The following GPR161 variants were observed in gnomAD, a reference collection of about 807,000 sequenced individuals.
GPR161 encodes the protein G protein-coupled receptor 161.
Under a neutral mutation model 39.2 loss-of-function variants are expected in GPR161, and 25 were observed. The ratio of observed to expected loss-of-function variants is 0.64; its 90% CI spans 0.47 to 0.89. The LOEUF (loss-of-function observed/expected upper bound fraction) is 0.89, where lower values mean the gene tolerates loss of function less well. Among genes scored for constraint, GPR161 ranks in the 40% least tolerant of loss-of-function variants. GPR161 has a pLI of 0.00. For missense variants in GPR161, 547 were observed against 677.8 expected (o/e 0.81, Z 2.14); for synonymous variants, 286 against 276.6 (o/e 1.03, Z -0.34).
chr1:168,085,457 G>A lies in GPR161; in HGVS notation c.*74C>T, dbSNP rs574341444. ...TACACAGTGACATGCTCCCAAGGCC[G>A]CGGCACAGGCGGTGATGGGAACTCC... On this transcript the variant is annotated 3_prime_UTR_variant, in exon 6 of 6. Coordinates refer to ENST00000682931, the MANE Select transcript of GPR161 (RefSeq NM_001375883.1). The A allele has an allele frequency of 2.3e-4, 328 of 1,425,660 alleles. No homozygotes were observed. Among genetic ancestry groups the A allele is most frequent in the Non-Finnish European group, 2.8e-4 (288 of 1,034,976 alleles). The allele number at this position is 1,425,660 out of a possible 1,614,324, so 88.3% of individuals were successfully genotyped here.
chr1:168,085,361 G>A lies in GPR161; in HGVS notation c.*170C>T, dbSNP rs1694375726. ...GGAAATGCTGAAGCTGTGGACTGTA[G>A]ACATTATTTTCAGTCCTTGTCCTGG... On this transcript the variant is annotated 3_prime_UTR_variant, in exon 6 of 6. Transcript: ENST00000682931. 1.6e-6 allele frequency: 1 copy of A among 629,604 alleles called. No homozygotes were observed. The highest frequency in any genetic ancestry group is 2.9e-5 in the Admixed American group (1 of 34,852). The allele number at this position is 629,604 out of a possible 1,614,324, so 39.0% of individuals were successfully genotyped here.
chr1:168,127,221 A>G (rs1192972803), intron 1 of GPR161, among the ~76,000 whole-genome samples: 1 of 152,202 alleles, frequency 6.6e-6, no homozygotes, highest in Admixed American at 6.5e-5. Flanking sequence ...ACAGTGGCTC[A>G]CACCTGTAAT....
In GPR161 at chr1:168,085,637, G is replaced by A. The variant is rs146091627; in HGVS notation, c.1484C>T (p.Pro495Leu). Residue 495 changes from proline (P) to leucine (L), a missense_variant, in exon 6 of 6, where the codon CCG becomes CTG. Pro to Leu is a moderately conservative substitution (Grantham distance 98). Coordinates refer to ENST00000682931, the MANE Select transcript of GPR161 (RefSeq NM_001375883.1). ...PGVLVTARTV[P>L]GGGFGGRRGS... Reference sequence around the variant, plus strand: ...TCGGCGGCCCCCGAAGCCGCCCCCCGGGACAGTCCGTGCTGTAACCAAGAC... The same window carrying A: ...TCGGCGGCCCCCGAAGCCGCCCCCCAGGACAGTCCGTGCTGTAACCAAGAC... The A allele has an allele frequency of 4.3e-5, 70 of 1,613,942 alleles. No homozygotes were observed. Among genetic ancestry groups the A allele is most frequent in the Middle Eastern group, 1.6e-4 (1 of 6,076 alleles).
At position 168,085,726 on chromosome 1, in the gene GPR161, GC is replaced by G. The variant is rs1694426617; in HGVS notation, c.1394del (p.Ser465ThrfsTer45). The part of the protein sequence containing the change: ...VHKSLDSYAA[S>X]LAKAIEAEAK... ...CTTCGGCCTCAATGGCTTTGGCCAAGCTTGCTGCGTAACTGTCCAAGGACTT... is the reference window on the plus strand; with the variant it reads ...CTTCGGCCTCAATGGCTTTGGCCAAGTTGCTGCGTAACTGTCCAAGGACTT... On this transcript the variant is annotated frameshift_variant, in exon 6 of 6. Coordinates refer to ENST00000682931, the MANE Select transcript of GPR161 (RefSeq NM_001375883.1). LOFTEE classifies it high-confidence loss of function. 6.2e-7 allele frequency: 1 copy of G among 1,614,054 alleles called. No individual in the cohort carries two copies. The highest frequency in any genetic ancestry group is 1.1e-5 in the South Asian group (1 of 91,090).
rs563826203 is a variant in GPR161, at chr1:168,122,522, C to T, written c.-45+14217G>A. ...ACCGTAAAAAGATTCCCATGTCACA[C>T]AGAGCAAGCCCAAAGTTGTTACCTC... On this transcript the variant is annotated intron_variant, in intron 1 of 5. Coordinates refer to ENST00000682931, the MANE Select transcript of GPR161 (RefSeq NM_001375883.1). Among the ~76,000 whole-genome samples, 4 of 152,320 alleles carry T rather than the reference C, an allele frequency of 2.6e-5. No homozygotes were observed. The South Asian group carries it at 8.3e-4, about 32-fold the overall frequency.
At chr1:168,105,617 G>A (rs1008060198) in intron 1 of GPR161, among the ~76,000 whole-genome samples, 7 of 152,298 alleles carry the variant, frequency 4.6e-5, no homozygotes, top group Middle Eastern at 3.4e-3. Flanking sequence ...CACGGCGAGG[G>A]AGGGCAAGCA....
Position 168,097,133 on chromosome 1 carries a change from G to A in GPR161, c.474C>T (p.Gly158=). 6.2e-7 allele frequency: 1 copy of A among 1,614,130 alleles called. No individual in the cohort carries two copies. The highest frequency in any genetic ancestry group is 8.5e-7 in the Non-Finnish European group (1 of 1,180,038). Residue 158 remains glycine, a synonymous_variant, in exon 3 of 6, where the codon GGC becomes GGT. Transcript: ENST00000682931. ...ACCAACCAAACAGGGGTGGCAGGCA[G>A]CCGATGAGCGAGTGAAGCCAGATGT... ...LVYIWLHSLI[G]CLPPLFGWSS...
chr1:168,132,197 G>C (rs1699042388), intron 1 of GPR161, among the ~76,000 whole-genome samples: 1 of 152,074 alleles, frequency 6.6e-6, no homozygotes, highest in African/African-American at 2.4e-5. Flanking sequence ...CCCAGGAGGT[G>C]GATGTTGCAG....
intron 1 of GPR161, among the ~76,000 whole-genome samples, chr1:168,123,528 GCACATACATACACA>G (rs1037592571): frequency 1.9e-5 from 2 of 104,310 alleles, no homozygotes; most frequent in African/African-American, 8.5e-5. Context: ...ATATAGATAT[GCACATACATACACA>G]CACACACACA....
chr1:168,137,108 T>G (rs927926293), upstream of GPR161: 36 of 1,052,244 alleles, frequency 3.4e-5, no homozygotes, highest in African/African-American at 8.6e-5. Context: ...CCCGGCTGCT[T>G]CTTTCCCATT....
At chr1:168,114,918 T>G (rs1445542643) in intron 1 of GPR161, among the ~76,000 whole-genome samples, 1 of 152,188 alleles carries the variant, frequency 6.6e-6, no homozygotes, top group Non-Finnish European at 1.5e-5. Flanking sequence ...GGGTCAGCTC[T>G]TGATCTCGGG....
chr1:168,131,705 A>G (rs1302255455), intron 1 of GPR161, among the ~76,000 whole-genome samples: 1 of 152,214 alleles, frequency 6.6e-6, no homozygotes, highest in Non-Finnish European at 1.5e-5. Context: ...GAAAACAAAG[A>G]AAAGTGATAG....
chr1:168,097,291 C>A, intron 2 of GPR161, 59 bp from the exon 3 acceptor site: 1 of 1,537,606 alleles, frequency 6.5e-7, no homozygotes, highest in African/African-American at 1.4e-5. Context: ...AAAACCGCTG[C>A]CTTCCTGCGT....
chr1:168,099,836 T>TGGG (rs201115778), intron 2 of GPR161, among the ~76,000 whole-genome samples: 106 of 95,810 alleles, frequency 1.1e-3, no homozygotes, highest in Middle Eastern at 5.3e-3. Flanking sequence ...GTTTTTTTTT[T>TGGG]GGGGGGGGGG....
At chr1:168,125,551 G>C (rs2102245911) in intron 1 of GPR161, among the ~76,000 whole-genome samples, 1 of 152,044 alleles carries the variant, frequency 6.6e-6, no homozygotes, top group Middle Eastern at 3.4e-3. Flanking sequence ...AGAGACCGTA[G>C]GTGTCAGTGC....
chr1:168,118,212 C>T (rs905899936), intron 1 of GPR161, among the ~76,000 whole-genome samples: 1 of 152,134 alleles, frequency 6.6e-6, no homozygotes, highest in African/African-American at 2.4e-5. Flanking sequence ...ACCCACAGAT[C>T]GGGTGAAAAT....
At chr1:168,119,554 T>G (rs1008597328) in intron 1 of GPR161, among the ~76,000 whole-genome samples, 8 of 152,032 alleles carry the variant, frequency 5.3e-5, no homozygotes, top group African/African-American at 1.9e-4. Context: ...TTCTACAAGC[T>G]AGAGACTTCT....
chr1:168,094,623 G>A (rs1440146636), intron 3 of GPR161, among the ~76,000 whole-genome samples: 3 of 152,164 alleles, frequency 2.0e-5, no homozygotes, highest in African/African-American at 7.2e-5. Flanking sequence ...TCACCCTCTT[G>A]AGAAGAAAAG....
intron 1 of GPR161, among the ~76,000 whole-genome samples, chr1:168,112,101 C>A (rs540238207): frequency 6.3e-4 from 96 of 152,216 alleles, no homozygotes; most frequent in African/African-American, 2.3e-3. Context: ...CTAATGACAA[C>A]TCTTGAGTGA....
Sources: allele counts gnomAD v4.1 joint callset (sites outside exome capture counted in the v4.1 genomes callset), GRCh38; gene constraint gnomAD v4.1.1; transcripts MANE v1.5; gene names NCBI Gene and HGNC (gene_info 2026-07-23, HGNC 2026-07-21).